DLG2: variants seen among roughly 807,000 people sequenced by gnomAD.
DLG2 encodes disks large homolog 2.
A neutral mutation model predicts 132.5 loss-of-function variants in DLG2; 45 were observed. The observed-to-expected ratio is 0.34, with a 90% CI of 0.27 to 0.44. The LOEUF (loss-of-function observed/expected upper bound fraction) is 0.44. DLG2 is among the 20% of genes least tolerant of loss of function. The probability of loss-of-function intolerance (pLI) is 1.00; values close to 1 mark genes in which losing one functional copy is unlikely to be tolerated. For missense variants in DLG2, 1,045 were observed against 1,196.9 expected (o/e 0.87, Z 1.87); for synonymous variants, 424 against 419.6 (o/e 1.01, Z -0.13).
intron 6 of DLG2, among the ~76,000 whole-genome samples, chr11:84,649,393 G>T (rs767961441): frequency 1.3e-5 from 2 of 152,134 alleles, no homozygotes; most frequent in Non-Finnish European, 2.9e-5. Context: ...GACCAACTCA[G>T]CATCCTACAG....
intron 4 of DLG2, among the ~76,000 whole-genome samples, chr11:85,174,937 T>G (rs1263764986): frequency 6.6e-6 from 1 of 152,058 alleles, no homozygotes; most frequent in Non-Finnish European, 1.5e-5. Flanking sequence ...AAGCCCTGAA[T>G]AGACCAATAA....
At chr11:84,639,476 C>T (rs1352693459) in intron 6 of DLG2, among the ~76,000 whole-genome samples, 1 of 151,460 alleles carries the variant, frequency 6.6e-6, no homozygotes, top group African/African-American at 2.4e-5. Context: ...ATAACATTGA[C>T]AGTTCTAATA....
At chr11:83,724,179 A>C (rs2089430117) in intron 18 of DLG2, among the ~76,000 whole-genome samples, 1 of 152,216 alleles carries the variant, frequency 6.6e-6, no homozygotes, top group South Asian at 2.1e-4. Context: ...TACTGATAAG[A>C]AAACTGAACG....
intron 6 of DLG2, among the ~76,000 whole-genome samples, chr11:84,915,151 C>T (rs2092376198): frequency 6.6e-6 from 1 of 152,118 alleles, no homozygotes; most frequent in Non-Finnish European, 1.5e-5. Context: ...AGGCAGGGAA[C>T]ATGTTACAGT....
chr11:85,191,162 G>GCGCGCGCGCA (rs34410192), intron 4 of DLG2, among the ~76,000 whole-genome samples: 3 of 139,842 alleles, frequency 2.1e-5, no homozygotes, highest in African/African-American at 8.3e-5. Context: ...GCGCACGCGC[G>GCGCGCGCGCA]CACACACACA....
At chr11:84,783,674 G>A (rs993357656) in intron 6 of DLG2, among the ~76,000 whole-genome samples, 3 of 152,054 alleles carry the variant, frequency 2.0e-5, no homozygotes, top group Non-Finnish European at 2.9e-5. Context: ...ATCTATAAAG[G>A]TAATTACTAT....
At chr11:85,569,172 CA>C (rs2077707001) in intron 3 of DLG2, among the ~76,000 whole-genome samples, 1 of 152,158 alleles carries the variant, frequency 6.6e-6, no homozygotes, top group Admixed American at 6.5e-5. Context: ...GCTGGGATTA[CA>C]GGCACCCATC....
chr11:83,969,290 C>G (rs2090870007), intron 12 of DLG2, among the ~76,000 whole-genome samples: 1 of 152,106 alleles, frequency 6.6e-6, no homozygotes, highest in Non-Finnish European at 1.5e-5. Context: ...TTCTTTCTCC[C>G]TTTAGGAGAA....
chr11:85,317,673 T>C (rs1242930510), intron 3 of DLG2, among the ~76,000 whole-genome samples: 1 of 151,680 alleles, frequency 6.6e-6, no homozygotes, highest in African/African-American at 2.4e-5. Flanking sequence ...AACAAAATAA[T>C]AAGTAAATAA....
chr11:83,676,667 A>C (rs1319320450), intron 18 of DLG2, among the ~76,000 whole-genome samples: 1 of 152,186 alleles, frequency 6.6e-6, no homozygotes, highest in Non-Finnish European at 1.5e-5. Context: ...GCAAGGGTGC[A>C]AGGTTTAGTA....
intron 13 of DLG2, among the ~76,000 whole-genome samples, chr11:83,964,747 A>C (rs866153657): frequency 8.6e-5 from 13 of 152,008 alleles, no homozygotes; most frequent in Middle Eastern, 3.2e-3. Flanking sequence ...ATTAGTTGTT[A>C]GTTGTTGCTG....
At chr11:84,586,439 C>T (rs2099530134) in intron 6 of DLG2, among the ~76,000 whole-genome samples, 1 of 152,066 alleles carries the variant, frequency 6.6e-6, no homozygotes, top group Admixed American at 6.6e-5. Flanking sequence ...TGTTAACTTT[C>T]AAATTTTTGA....
intron 6 of DLG2, among the ~76,000 whole-genome samples, chr11:84,819,834 T>C (rs1281812718): frequency 2.6e-5 from 4 of 151,766 alleles, no homozygotes; most frequent in Admixed American, 6.6e-5. Context: ...GGGTGTACCA[T>C]ACAGCCATGA....
chr11:84,684,544 T>A (rs937007630), intron 6 of DLG2, among the ~76,000 whole-genome samples: 1 of 152,078 alleles, frequency 6.6e-6, no homozygotes, highest in African/African-American at 2.4e-5. Flanking sequence ...TAGAGTTCAG[T>A]TTGTATGTGG....
rs908794136 is a variant in DLG2 at position 84,562,861 on chromosome 11, T to G, written c.358-28130A>C. 2.0e-5 allele frequency among the ~76,000 whole-genome samples: 3 copies of G among 151,690 alleles called. No individual in the cohort carries two copies. In the East Asian group the frequency reaches 5.8e-4, roughly 30 times the overall value. Reference sequence around the variant, plus strand: ...TCAACCAACTGTGCTCAAGTGACCCTCCTGCATCAACCTCCAAAATAGTTG... The same window carrying G: ...TCAACCAACTGTGCTCAAGTGACCCGCCTGCATCAACCTCCAAAATAGTTG... On this transcript the variant is annotated intron_variant, in intron 6 of 27. Transcript: ENST00000376104.
intron 3 of DLG2, among the ~76,000 whole-genome samples, chr11:85,412,461 A>G (rs531922370): frequency 6.6e-6 from 1 of 151,324 alleles, no homozygotes. Flanking sequence ...ATTTTAATGC[A>G]CCCATCACCT....
At chr11:83,852,359 T>A (rs774895945) in intron 16 of DLG2, among the ~76,000 whole-genome samples, 1 of 152,196 alleles carries the variant, frequency 6.6e-6, no homozygotes, top group African/African-American at 2.4e-5. Context: ...AAAAGTATAA[T>A]CATACCAGTG....
chr11:85,588,843 C>A (rs899153240), intron 3 of DLG2, among the ~76,000 whole-genome samples: 3 of 152,114 alleles, frequency 2.0e-5, no homozygotes, highest in African/African-American at 7.2e-5. Flanking sequence ...TATTTAGATT[C>A]TTTTGTCCCA....
At chr11:85,603,992 A>G (rs1178524172) in intron 2 of DLG2, among the ~76,000 whole-genome samples, 1 of 152,176 alleles carries the variant, frequency 6.6e-6, no homozygotes, top group Non-Finnish European at 1.5e-5. Context: ...TGTATTAACA[A>G]TATTCCCACA....
Sources: allele counts gnomAD v4.1 joint callset (sites outside exome capture counted in the v4.1 genomes callset), GRCh38; gene constraint gnomAD v4.1.1; transcripts MANE v1.5; gene names NCBI Gene and HGNC (gene_info 2026-07-23, HGNC 2026-07-21).